Variants in ADAMTS3 observed in about 807,000 individuals in gnomAD.
ADAMTS3 encodes ADAM metallopeptidase with thrombospondin type 1 motif 3.
In ADAMTS3, 73 loss-of-function variants were observed where a neutral mutation model predicts 129.0. The observed-to-expected ratio is 0.57, with a 90% CI of 0.47 to 0.69. The LOEUF (loss-of-function observed/expected upper bound fraction) is 0.69, where lower values mean the gene tolerates loss of function less well. Among genes scored for constraint, ADAMTS3 ranks in the 30% least tolerant of loss-of-function variants. The pLI is 0.00. For missense variants in ADAMTS3, 1,457 were observed against 1,514.5 expected, an observed-to-expected ratio of 0.96 and a Z score of 0.63; for synonymous variants, 477 against 510.8, an observed-to-expected ratio of 0.93 and a Z score of 0.89.
chr4:72,333,615 C>T (rs1200877710), intron 5 of ADAMTS3, among the ~76,000 whole-genome samples: 1 of 152,008 alleles, frequency 6.6e-6, no homozygotes, highest in Non-Finnish European at 1.5e-5. Context: ...TTATTTTGTA[C>T]TTAATACTGC....
At chr4:72,329,443 C>T (rs1452846250) in intron 5 of ADAMTS3, among the ~76,000 whole-genome samples, 1 of 152,098 alleles carries the variant, frequency 6.6e-6, no homozygotes, top group African/African-American at 2.4e-5. Flanking sequence ...ACTCAGAATC[C>T]TATAGAGAAC....
chr4:72,371,828 T>A (rs1721016783), intron 4 of ADAMTS3, among the ~76,000 whole-genome samples: 1 of 151,988 alleles, frequency 6.6e-6, no homozygotes, highest in Non-Finnish European at 1.5e-5. Context: ...ATTATTTTCA[T>A]GTGATCATAG....
intron 2 of ADAMTS3, among the ~76,000 whole-genome samples, chr4:72,562,861 T>C (rs1292202928): frequency 6.6e-6 from 1 of 152,186 alleles, no homozygotes; most frequent in African/African-American, 2.4e-5. Context: ...ATTCTCAAAA[T>C]TCTGATAATA....
Position 72,390,596 on chromosome 4 carries a change from T to C in ADAMTS3, c.661+24219A>G, listed in dbSNP as rs150288013. On this transcript the variant is annotated intron_variant, in intron 4 of 21. Transcript: ENST00000286657. ...TAATATTCAACTAAAAATAACTACA[T>C]TTCCTATACTGATTACTCATGACTT... 4.1e-3 allele frequency among the ~76,000 whole-genome samples: 622 copies of C among 152,264 alleles called. 10 individuals are homozygous for C. Among genetic ancestry groups the C allele is most frequent in the African/African-American group, 0.014 (600 of 41,564 alleles).
At chr4:72,489,334 C>A (rs930420279) in intron 3 of ADAMTS3, among the ~76,000 whole-genome samples, 12 of 151,878 alleles carry the variant, frequency 7.9e-5, no homozygotes, top group African/African-American at 2.7e-4. Flanking sequence ...CAATTGCAGT[C>A]CAAAAATATT....
At position 72,283,113 on chromosome 4, in the gene ADAMTS3, T is replaced by C. The variant is rs760140560; in HGVS notation, c.*23A>G. 2 of 1,570,838 alleles carry C rather than the reference T, an allele frequency of 1.3e-6. No individual in the cohort carries two copies. The highest frequency in any genetic ancestry group is 1.7e-6 in the Non-Finnish European group (2 of 1,157,998). Reference sequence around the variant, plus strand: ...AGGTTGTCCAGGTTTTCCTCTGGTTTCTAGCCTTTTTGGTTCACTTTCTCA... The same window carrying C: ...AGGTTGTCCAGGTTTTCCTCTGGTTCCTAGCCTTTTTGGTTCACTTTCTCA... On this transcript the variant is annotated 3_prime_UTR_variant, in exon 22 of 22. Coordinates refer to ENST00000286657, the MANE Select transcript of ADAMTS3 (RefSeq NM_014243.3).
At chr4:72,379,039 G>A (rs1431152568) in intron 4 of ADAMTS3, among the ~76,000 whole-genome samples, 2 of 152,068 alleles carry the variant, frequency 1.3e-5, no homozygotes, top group South Asian at 4.1e-4. Flanking sequence ...CAACATGGCT[G>A]CTTACTCTCT....
intron 3 of ADAMTS3, among the ~76,000 whole-genome samples, chr4:72,527,481 G>C (rs1288493505): frequency 6.6e-6 from 1 of 152,124 alleles, no homozygotes; most frequent in Non-Finnish European, 1.5e-5. Context: ...AGCAATGAAA[G>C]TATCAGGTAC....
intron 3 of ADAMTS3, among the ~76,000 whole-genome samples, chr4:72,513,148 C>G (rs777447393): frequency 4.0e-4 from 61 of 152,288 alleles, no homozygotes; most frequent in Admixed American, 1.3e-3. Flanking sequence ...TTCTAAACAT[C>G]TCTGCCTGCA....
At chr4:72,328,965 C>T (rs1164036294) in intron 5 of ADAMTS3, among the ~76,000 whole-genome samples, 2 of 152,166 alleles carry the variant, frequency 1.3e-5, no homozygotes, top group African/African-American at 4.8e-5. Flanking sequence ...TCCTTTTCCT[C>T]AGAAAACAGA....
At chr4:72,406,758 A>G (rs1179193133) in intron 4 of ADAMTS3, among the ~76,000 whole-genome samples, 1 of 152,184 alleles carries the variant, frequency 6.6e-6, no homozygotes, top group Non-Finnish European at 1.5e-5. Context: ...TTATTCCACA[A>G]TAAGAATCCA....
intron 4 of ADAMTS3, among the ~76,000 whole-genome samples, chr4:72,381,662 C>T (rs529692739): frequency 3.8e-4 from 57 of 151,938 alleles, no homozygotes; most frequent in African/African-American, 1.4e-3. Flanking sequence ...CAGGAACCAC[C>T]CAGAACTGGA....
At position 72,567,413 on chromosome 4, in the gene ADAMTS3, G is replaced by T. The variant is rs367773997; in HGVS notation, c.70-12C>A. On this transcript the variant is annotated splice_polypyrimidine_tract_variant and intron_variant, in intron 1 of 21. Transcript: ENST00000286657. ...TCTTCATTACCAGCCTGGAAAGGAG[G>T]GGGAAAGCAAGAAAAAGAAAGTTAC... 6 of 1,613,074 alleles carry T rather than the reference G, an allele frequency of 3.7e-6. No individual in the cohort carries two copies. The highest frequency in any genetic ancestry group is 5.1e-6 in the Non-Finnish European group (6 of 1,179,352).
intron 4 of ADAMTS3, among the ~76,000 whole-genome samples, chr4:72,407,981 GAGA>G (rs1722092897): frequency 6.6e-6 from 1 of 152,026 alleles, no homozygotes; most frequent in South Asian, 2.1e-4. Flanking sequence ...AAATTCCACT[GAGA>G]AGTTTTAAAT....
At chr4:72,513,487 C>A (rs972307067) in intron 3 of ADAMTS3, among the ~76,000 whole-genome samples, 3 of 152,158 alleles carry the variant, frequency 2.0e-5, no homozygotes, top group African/African-American at 7.2e-5. Context: ...CACTCCCCAC[C>A]ATCTAACGGA....
intron 21 of ADAMTS3, among the ~76,000 whole-genome samples, chr4:72,288,315 T>C (rs925804290): frequency 2.0e-5 from 3 of 152,224 alleles, no homozygotes; most frequent in African/African-American, 7.2e-5. Flanking sequence ...CAGACAGTTA[T>C]TGGAAATGGC....
chr4:72,480,526 A>C (rs1719402746), intron 3 of ADAMTS3, among the ~76,000 whole-genome samples: 2 of 151,778 alleles, frequency 1.3e-5, no homozygotes, highest in South Asian at 2.1e-4. Context: ...AGGGGAACAT[A>C]ACACTCTGGG....
intron 3 of ADAMTS3, among the ~76,000 whole-genome samples, chr4:72,438,329 T>G (rs1009544922): frequency 6.6e-6 from 1 of 151,768 alleles, no homozygotes; most frequent in Non-Finnish European, 1.5e-5. Context: ...CTTTTGTTCA[T>G]GTAGGCTACA....
chr4:72,416,044 A>G (rs1366294222), intron 3 of ADAMTS3, among the ~76,000 whole-genome samples: 1 of 151,770 alleles, frequency 6.6e-6, no homozygotes, highest in Non-Finnish European at 1.5e-5. Context: ...CTCTCATGTA[A>G]CACAGACAAG....
Sources: gnomAD v4.1 joint callset for allele counts (sites outside exome capture counted in the v4.1 genomes callset) on GRCh38, gnomAD v4.1.1 for gene constraint, MANE v1.5 for transcripts, NCBI Gene and HGNC (gene_info 2026-07-23, HGNC 2026-07-21) for gene names.